The following REDIC1 variants were observed in gnomAD, a reference collection of about 807,000 sequenced individuals.
REDIC1 encodes HEI10 Interacting Protein 1.
At chr12:39,654,737 C>T in the REDIC1 span, among the ~76,000 whole-genome samples, 2 of 119,604 alleles carry the variant, frequency 1.7e-5, no homozygotes, top group Non-Finnish European at 3.6e-5. Context: ...GCTTTGGTAT[C>T]AGGGTAATAC....
chr12:39,701,890 A>G, the REDIC1 span, among the ~76,000 whole-genome samples: 1 of 152,134 alleles, frequency 6.6e-6, no homozygotes, highest in Non-Finnish European at 1.5e-5. Flanking sequence ...TTTGAAACCA[A>G]CGAGAACAAA....
At chr12:39,662,884 AAT>A in the REDIC1 span, among the ~76,000 whole-genome samples, 2 of 152,002 alleles carry the variant, frequency 1.3e-5, no homozygotes, top group Non-Finnish European at 2.9e-5. Context: ...TTGGTAGGAT[AAT>A]ATGGTTTTTG....
At chr12:39,738,968 A>G in the REDIC1 span, among the ~76,000 whole-genome samples, 8 of 152,198 alleles carry the variant, frequency 5.3e-5, no homozygotes, top group Admixed American at 3.9e-4. Flanking sequence ...GAAATGGGAG[A>G]TGAAAAAATC....
the REDIC1 span, among the ~76,000 whole-genome samples, chr12:39,886,969 T>C: frequency 4.6e-5 from 7 of 152,152 alleles, no homozygotes; most frequent in African/African-American, 1.7e-4. Flanking sequence ...AAATGCAAAC[T>C]TGATTGATAA....
chr12:39,649,641 T>C, the REDIC1 span, among the ~76,000 whole-genome samples: 1 of 151,722 alleles, frequency 6.6e-6, no homozygotes, highest in African/African-American at 2.4e-5. Flanking sequence ...TTTCTATGTT[T>C]CATGAGTTAT....
chr12:39,874,725 T>C, the REDIC1 span, among the ~76,000 whole-genome samples: 1 of 152,082 alleles, frequency 6.6e-6, no homozygotes, highest in Non-Finnish European at 1.5e-5. Context: ...TGTTTGGACT[T>C]TGTATTGTAG....
the REDIC1 span, among the ~76,000 whole-genome samples, chr12:39,866,775 G>T: frequency 6.6e-6 from 1 of 152,180 alleles, no homozygotes; most frequent in African/African-American, 2.4e-5. Context: ...CACAGCGCCC[G>T]GCCGAAAGAT....
the REDIC1 span, among the ~76,000 whole-genome samples, chr12:39,702,950 A>G: frequency 1.2e-4 from 18 of 152,194 alleles, no homozygotes; most frequent in Admixed American, 2.6e-4. Flanking sequence ...AATAAGAGCT[A>G]TCTATGACAA....
chr12:39,647,812 T>C, the REDIC1 span: 2 of 1,593,782 alleles, frequency 1.3e-6, no homozygotes, highest in East Asian at 2.3e-5. Context: ...TGGACTCATA[T>C]AGTATGCTTC....
the REDIC1 span, among the ~76,000 whole-genome samples, chr12:39,717,436 TATTC>T: frequency 1.3e-5 from 2 of 152,158 alleles, no homozygotes; most frequent in East Asian, 3.9e-4. Flanking sequence ...ATATATTTAC[TATTC>T]ATTAAGTAGG....
At chr12:39,739,084 T>C in the REDIC1 span, among the ~76,000 whole-genome samples, 2 of 152,044 alleles carry the variant, frequency 1.3e-5, no homozygotes, top group African/African-American at 4.8e-5. Context: ...TTAGATGAGA[T>C]CAGATTCAAT....
At chr12:39,769,668 T>C in the REDIC1 span, among the ~76,000 whole-genome samples, 1 of 151,998 alleles carries the variant, frequency 6.6e-6, no homozygotes, top group Non-Finnish European at 1.5e-5. Context: ...TCCATCAATA[T>C]CTCTTCTTTT....
chr12:39,628,328 A>G, the REDIC1 span, among the ~76,000 whole-genome samples: 1 of 152,190 alleles, frequency 6.6e-6, no homozygotes, highest in African/African-American at 2.4e-5. Flanking sequence ...TTCTATTTTC[A>G]GAACAGGCAA....
the REDIC1 span, among the ~76,000 whole-genome samples, chr12:39,906,915 A>G: frequency 3.9e-5 from 6 of 152,186 alleles, no homozygotes; most frequent in African/African-American, 1.4e-4. Context: ...AAGGTCCATT[A>G]GGAAGCAAAA....
chr12:39,823,554 A>G, the REDIC1 span, among the ~76,000 whole-genome samples: 1 of 152,214 alleles, frequency 6.6e-6, no homozygotes, highest in Non-Finnish European at 1.5e-5. Context: ...CTGGCATATC[A>G]GTGAATATTT....
the REDIC1 span, among the ~76,000 whole-genome samples, chr12:39,714,294 T>TATATGTATATATGTATATACAG: frequency 6.7e-6 from 1 of 148,578 alleles, no homozygotes; most frequent in Non-Finnish European, 1.5e-5. Flanking sequence ...CGTATATGCA[T>TATATGTATATATGTATATACAG]GCATATATGT....
the REDIC1 span, among the ~76,000 whole-genome samples, chr12:39,797,743 C>T: frequency 0.34 from 3,415 of 10,186 alleles, 152 homozygotes; most frequent in African/African-American, 0.44. Flanking sequence ...CACACACACA[C>T]ACACACACAC....
At chr12:39,692,152 AAACT>A in the REDIC1 span, 1 of 1,428,066 alleles carries the variant, frequency 7.0e-7, no homozygotes, top group Non-Finnish European at 9.4e-7. Context: ...TCTATTTTAA[AAACT>A]AACAATTAAA....
At chr12:39,750,304 C>T in the REDIC1 span, among the ~76,000 whole-genome samples, 1 of 152,160 alleles carries the variant, frequency 6.6e-6, no homozygotes, top group East Asian at 1.9e-4. Flanking sequence ...TGAGTGAACT[C>T]CCATTCACAA....
Sources: allele counts gnomAD v4.1 joint callset (sites outside exome capture counted in the v4.1 genomes callset), GRCh38; gene constraint gnomAD v4.1.1; transcripts MANE v1.5; gene names NCBI Gene and HGNC (gene_info 2026-07-23, HGNC 2026-07-21).